Variants in DYNC2LI1 observed in about 807,000 individuals in gnomAD.
The protein encoded by DYNC2LI1 is cytoplasmic dynein 2 light intermediate chain 1.
A neutral mutation model predicts 51.9 loss-of-function variants in DYNC2LI1; 45 were observed. The ratio of observed to expected loss-of-function variants is 0.87; its 90% CI spans 0.68 to 1.11. DYNC2LI1 has a LOEUF of 1.11. DYNC2LI1 is among the 50% of genes most tolerant of loss of function. The pLI is 0.00. For synonymous variants in DYNC2LI1, 130 were observed against 137.8 expected (o/e 0.94, Z 0.40); for missense variants, 490 against 417.4 (o/e 1.17, Z -1.51).
chr2:43,820,917 G>C, the DYNC2LI1 span, among the ~76,000 whole-genome samples: 1 of 152,178 alleles, frequency 6.6e-6, no homozygotes, highest in Non-Finnish European at 1.5e-5. Flanking sequence ...GCCTCCCAAA[G>C]TGCTAGGATT....
At chr2:43,817,681 A>C in the DYNC2LI1 span, among the ~76,000 whole-genome samples, 1 of 151,916 alleles carries the variant, frequency 6.6e-6, no homozygotes, top group African/African-American at 2.4e-5. Context: ...AGGCCAAGGC[A>C]GGCAGATCAC....
In DYNC2LI1 at chr2:43,794,657, T is replaced by G; in HGVS notation, c.507+14T>G. 1.9e-6 allele frequency: 3 copies of G among 1,614,086 alleles called. No homozygotes were observed. The highest frequency in any genetic ancestry group is 2.5e-6 in the Non-Finnish European group (3 of 1,179,972). The stretch of plus-strand genomic sequence containing the variant: ...AAGGATCATCCTGTGAGTTGCTGTT[T>G]GGGATTATTACTGGAATCCTTAGTC... On this transcript the variant is annotated intron_variant, in intron 6 of 12. Transcript: ENST00000260605.
In DYNC2LI1 at chr2:43,805,723, C is replaced by G. The variant is rs1432405159; in HGVS notation, c.993+477C>G. On this transcript the variant is annotated intron_variant, in intron 12 of 12. Transcript: ENST00000260605. ...CACGATCTGAAAGCACACAGACATA[C>G]CTGACATAACCCAGGTTCTCTCAGG... 5.9e-5 allele frequency among the ~76,000 whole-genome samples: 9 copies of G among 152,130 alleles called. No individual in the cohort carries two copies. The South Asian group carries it at 1.9e-3, about 32-fold the overall frequency.
chr2:43,792,085 C>G (rs908401384), intron 5 of DYNC2LI1, among the ~76,000 whole-genome samples: 6 of 151,900 alleles, frequency 3.9e-5, no homozygotes, highest in African/African-American at 1.5e-4. Flanking sequence ...GAAACACAAC[C>G]ATACCAAAAC....
intron 2 of DYNC2LI1, chr2:43,781,501 A>C (rs991318024): frequency 6.6e-6 from 1 of 152,118 alleles, no homozygotes; most frequent in African/African-American, 2.4e-5. Context: ...TGCAGAGTAC[A>C]TTACTTTTTG....
At chr2:43,800,326 T>G (rs762187163) in intron 8 of DYNC2LI1, among the ~76,000 whole-genome samples, 6 of 152,140 alleles carry the variant, frequency 3.9e-5, no homozygotes, top group Admixed American at 2.6e-4. Flanking sequence ...AAAAAGAAGT[T>G]AAAAAATTAC....
the DYNC2LI1 span, among the ~76,000 whole-genome samples, chr2:43,820,999 T>A: frequency 6.6e-6 from 1 of 151,934 alleles, no homozygotes; most frequent in African/African-American, 2.4e-5. Context: ...TCCATGCACC[T>A]TTCCTCTTAT....
chr2:43,805,050 C>A (rs10177630), intron 11 of DYNC2LI1, 104 bp from the exon 12 acceptor site: 1 of 715,846 alleles, frequency 1.4e-6, no homozygotes, highest in Non-Finnish European at 2.4e-6. Context: ...TCATAGAGAG[C>A]CTTTGTGGCA....
chr2:43,796,014 TGAGG>T, intron 7 of DYNC2LI1, 56 bp downstream of exon 7: 1 of 1,199,880 alleles, frequency 8.3e-7, no homozygotes, highest in Non-Finnish European at 1.2e-6. Flanking sequence ...GTGCTTTTTA[TGAGG>T]GAGGTACAAA....
chr2:43,820,640 C>T, the DYNC2LI1 span, among the ~76,000 whole-genome samples: 1 of 152,110 alleles, frequency 6.6e-6, no homozygotes, highest in Non-Finnish European at 1.5e-5. Flanking sequence ...CTACCAACCC[C>T]TTCCACTGAT....
At chr2:43,811,183 T>C (rs1666468266), downstream of DYNC2LI1, among the ~76,000 whole-genome samples, 1 of 152,292 alleles carries the variant, frequency 6.6e-6, no homozygotes, top group South Asian at 2.1e-4. Flanking sequence ...TTGAACTACT[T>C]TAATAGATTA....
intron 5 of DYNC2LI1, among the ~76,000 whole-genome samples, chr2:43,790,277 A>T (rs1003493523): frequency 3.9e-5 from 6 of 152,212 alleles, no homozygotes; most frequent in African/African-American, 1.4e-4. Flanking sequence ...TAACTCCCAC[A>T]TGTTGGCCAA....
downstream of DYNC2LI1, chr2:43,814,421 G>A: frequency 8.9e-7 from 1 of 1,123,032 alleles, no homozygotes; most frequent in Non-Finnish European, 1.3e-6. Flanking sequence ...TTTCCTCCAA[G>A]AAATTGCTTC....
intron 4 of DYNC2LI1, among the ~76,000 whole-genome samples, chr2:43,788,942 A>G (rs1039793917): frequency 2.0e-5 from 3 of 152,058 alleles, no homozygotes; most frequent in Admixed American, 6.5e-5. Flanking sequence ...ACCCTAGATG[A>G]TCTTATTTCT....
At chr2:43,809,299 G>A (rs10173687) in intron 12 of DYNC2LI1, among the ~76,000 whole-genome samples, 39,062 of 152,024 alleles carry the variant, frequency 0.26, 5,791 homozygotes, top group African/African-American at 0.41. Context: ...GCCTGGGTAT[G>A]TATTTTTTAA....
At chr2:43,808,364 G>C (rs58795814) in intron 12 of DYNC2LI1, among the ~76,000 whole-genome samples, 26,971 of 152,006 alleles carry the variant, frequency 0.18, 2,537 homozygotes, top group Middle Eastern at 0.32. Context: ...AGGTATGAAA[G>C]GTACGCTCTG....
At chr2:43,797,074 T>A (rs1429580788) in intron 8 of DYNC2LI1, among the ~76,000 whole-genome samples, 2 of 152,348 alleles carry the variant, frequency 1.3e-5, no homozygotes, top group Non-Finnish European at 2.9e-5. Flanking sequence ...GATCTATTTA[T>A]TCATTTTTGG....
At chr2:43,791,789 C>T (rs1046859653) in intron 5 of DYNC2LI1, among the ~76,000 whole-genome samples, 4 of 152,260 alleles carry the variant, frequency 2.6e-5, no homozygotes, top group African/African-American at 9.6e-5. Flanking sequence ...ATTATAAATG[C>T]ATTGAACATT....
At position 43,801,678 on chromosome 2, in the gene DYNC2LI1, C is replaced by T. The variant is rs1357959191; in HGVS notation, c.771C>T (p.Ile257=). Residue 257 remains isoleucine (I), a synonymous_variant, in exon 10 of 13, where the codon ATC becomes ATT. Coordinates refer to ENST00000260605, the MANE Select transcript of DYNC2LI1 (RefSeq NM_016008.4). ...ICVDQNKPLF[I]TAGLDSFGQI... The stretch of plus-strand genomic sequence containing the variant: ...TGGATCAGAATAAACCGCTGTTTAT[C>T]ACAGCAGGATTGGATTCTTTCGGTC... The T allele has an allele frequency of 3.7e-6, 6 of 1,609,562 alleles. No homozygotes were observed. The Admixed American group carries it at 8.4e-5, about 23-fold the overall frequency.
Sources: gnomAD v4.1 joint callset for allele counts (sites outside exome capture counted in the v4.1 genomes callset) on GRCh38, gnomAD v4.1.1 for gene constraint, MANE v1.5 for transcripts, NCBI Gene and HGNC (gene_info 2026-07-23, HGNC 2026-07-21) for gene names.